CYP46A1: variants seen among roughly 807,000 people sequenced by gnomAD.
The protein encoded by CYP46A1 is cholesterol 24-hydroxylase.
CYP46A1 carries 20 observed loss-of-function variants against 63.3 expected under a neutral mutation model. The ratio of observed to expected loss-of-function variants is 0.32; its 90% CI spans 0.22 to 0.46. CYP46A1 has a LOEUF of 0.46. Ranked by LOEUF, CYP46A1 falls within the 20% of genes least tolerant of loss-of-function variation. CYP46A1 has a pLI of 1.00. For synonymous variants in CYP46A1, 268 were observed against 273.6 expected (o/e 0.98, Z 0.20); for missense variants, 445 against 670.8 (o/e 0.66, Z 3.72).
At chr14:99,708,722 A>G (rs1433687991) in intron 7 of CYP46A1, 1 of 153,394 alleles carries the variant, frequency 6.5e-6, no homozygotes, top group African/African-American at 2.4e-5. Context: ...TAATGTAGGT[A>G]GTGCCTGTGT....
At chr14:99,694,797 A>G (rs1168524071) in intron 3 of CYP46A1, among the ~76,000 whole-genome samples, 2 of 152,030 alleles carry the variant, frequency 1.3e-5, no homozygotes, top group Admixed American at 1.3e-4. Flanking sequence ...CACCACCCCC[A>G]GCCAATTTCT....
chr14:99,725,070 G>A lies in CYP46A1; in HGVS notation c.1177-321G>A, dbSNP rs1337549677. On this transcript the variant is annotated intron_variant, in intron 12 of 14. Coordinates refer to ENST00000261835, the MANE Select transcript of CYP46A1 (RefSeq NM_006668.2). This position sits in a 1 kb window ranked among gnomAD's most constrained non-coding sequence, Gnocchi z 4.2. The stretch of plus-strand genomic sequence containing the variant: ...CCATTTATTTGCCTGGTGACTTCAG[G>A]TGAGTCACTGAGCCTCTCTCTGGGT... Among the ~76,000 whole-genome samples, 1 of 152,202 alleles carries A rather than the reference G, an allele frequency of 6.6e-6. No homozygotes were observed. Among genetic ancestry groups the A allele is most frequent in the Non-Finnish European group, 1.5e-5 (1 of 68,046 alleles).
At chr14:99,694,882 A>G (rs1483424589) in intron 3 of CYP46A1, among the ~76,000 whole-genome samples, 1 of 152,200 alleles carries the variant, frequency 6.6e-6, no homozygotes, top group Non-Finnish European at 1.5e-5. Flanking sequence ...ATGGAGTTTA[A>G]ACAATTGATT....
At chr14:99,719,362 C>G (rs374697992) in intron 10 of CYP46A1, among the ~76,000 whole-genome samples, 35 of 151,050 alleles carry the variant, frequency 2.3e-4, no homozygotes, top group African/African-American at 6.4e-4. Flanking sequence ...CAGGTGTGCA[C>G]CACCACACCT....
intron 3 of CYP46A1, among the ~76,000 whole-genome samples, chr14:99,692,628 G>A (rs1050948581): frequency 1.1e-4 from 16 of 149,586 alleles, no homozygotes; most frequent in African/African-American, 3.7e-4. Flanking sequence ...TCAGGAGTTC[G>A]CGACCAGCCT....
chr14:99,693,665 T>C (rs1310367530), intron 3 of CYP46A1: 1 of 152,234 alleles, frequency 6.6e-6, no homozygotes, highest in East Asian at 1.9e-4. Flanking sequence ...CTATCTTCTG[T>C]AAAAGTTTGT....
In CYP46A1 at chr14:99,715,451, G is replaced by C. The variant is rs563757049; in HGVS notation, c.694-359G>C. Among the ~76,000 whole-genome samples, 40 of 152,172 alleles carry C rather than the reference G, an allele frequency of 2.6e-4. No homozygotes were observed. The East Asian group carries it at 7.4e-3, about 28-fold the overall frequency. On this transcript the variant is annotated intron_variant, in intron 7 of 14. Transcript: ENST00000261835. ...AGCTTGCAGCCGCCAATGCCGCCCC[G>C]TCTTTTTGGCAGTTGATCGCACTCT...
chr14:99,696,055 G>A (rs1202605649), intron 3 of CYP46A1, among the ~76,000 whole-genome samples: 3 of 152,068 alleles, frequency 2.0e-5, no homozygotes, highest in African/African-American at 4.8e-5. Flanking sequence ...GTTGATTCTT[G>A]CTGTTTTATA....
intron 9 of CYP46A1, 78 bp downstream of exon 9, chr14:99,716,277 CTT>C: frequency 1.3e-6 from 2 of 1,527,880 alleles, no homozygotes; most frequent in Non-Finnish European, 1.8e-6. Context: ...AAACCCAACT[CTT>C]TGGGATTTTT....
Position 99,715,078 on chromosome 14 carries a change from TC to T in CYP46A1, c.694-731del, listed in dbSNP as rs1677285020. ...TATGTAGAAGGAGTAAGTTTTAGTG[TC>T]AGTAGCACAGTGTGTGACTATAGCT... On this transcript the variant is annotated intron_variant, in intron 7 of 14. Coordinates refer to ENST00000261835, the MANE Select transcript of CYP46A1 (RefSeq NM_006668.2). Among the ~76,000 whole-genome samples, 3 of 152,330 alleles carry T rather than the reference TC, an allele frequency of 2.0e-5. No homozygotes were observed. In the South Asian group the frequency reaches 6.2e-4, roughly 32 times the overall value.
rs1365486025 is a variant in CYP46A1, at chr14:99,722,913, C to T, written c.1176+847C>T. ...ACAGTGTGCAAGCCAGCTCCTCGGA[C>T]ATTTACCCAGAAGTGAGAGGGCTGG... On this transcript the variant is annotated intron_variant, in intron 12 of 14. Transcript: ENST00000261835. The surrounding 1 kb of genome is among the most constrained non-coding windows in gnomAD (Gnocchi z 4.6). The T allele has an allele frequency of 2.2e-6, 1 of 454,252 alleles. No homozygotes were observed. Among genetic ancestry groups the T allele is most frequent in the Non-Finnish European group, 4.4e-6 (1 of 225,344 alleles). The allele number at this position is 454,252 out of a possible 1,614,324, so 28.1% of individuals were successfully genotyped here. A position where few individuals can be genotyped will look rare whatever the true frequency, so the allele number is the denominator to read the frequency against.
chr14:99,695,600 C>T (rs1483329746), intron 3 of CYP46A1: 2 of 108,120 alleles, frequency 1.8e-5, no homozygotes, highest in Non-Finnish European at 3.9e-5. Flanking sequence ...TAAGCCATTC[C>T]AGCTTTATTA....
Position 99,706,801 on chromosome 14 carries a change from C to A in CYP46A1, c.582+16C>A. 7 of 1,610,658 alleles carry A rather than the reference C, an allele frequency of 4.3e-6. No individual in the cohort carries two copies. Among genetic ancestry groups the A allele is most frequent in the East Asian group, 2.2e-5 (1 of 44,860 alleles). ...CCTGGCCAAGGTGATGGGTGACAGTCGGGCATGGGGGCCAGGAGGGCCACA... is the reference window on the plus strand; with the variant it reads ...CCTGGCCAAGGTGATGGGTGACAGTAGGGCATGGGGGCCAGGAGGGCCACA... On this transcript the variant is annotated intron_variant, in intron 6 of 14. Coordinates refer to ENST00000261835, the MANE Select transcript of CYP46A1 (RefSeq NM_006668.2).
chr14:99,684,385 C>G lies in CYP46A1; in HGVS notation c.-33C>G. The G allele has an allele frequency of 3.9e-6, 5 of 1,298,630 alleles. No individual in the cohort carries two copies. Among genetic ancestry groups the G allele is most frequent in the South Asian group, 2.0e-5 (1 of 49,088 alleles). 80.4% of individuals were successfully genotyped at this position (1,298,630 alleles called of 1,614,324 possible). ...CTCCCGGCCCCCTCGGCGCCCGGCCCGACCCTGGCCTGGCCTGCCCTGCCC... is the reference window on the plus strand; with the variant it reads ...CTCCCGGCCCCCTCGGCGCCCGGCCGGACCCTGGCCTGGCCTGCCCTGCCC... On this transcript the variant is annotated 5_prime_UTR_variant, in exon 1 of 15. Coordinates refer to ENST00000261835, the MANE Select transcript of CYP46A1 (RefSeq NM_006668.2).
chr14:99,691,034 C>G, intron 1 of CYP46A1, 47 bp from the exon 2 acceptor site: 1 of 1,582,152 alleles, frequency 6.3e-7, no homozygotes, highest in Non-Finnish European at 8.7e-7. Context: ...AGGGAGCGTT[C>G]TTTCCTGTTG....
chr14:99,726,579 C>T lies in CYP46A1; in HGVS notation c.1355C>T (p.Ala452Val), dbSNP rs1295854510. Residue 452 changes from alanine to valine, a missense_variant, in exon 15 of 15, where the codon GCA becomes GTA. Ala to Val is a moderately conservative substitution (Grantham distance 64). Coordinates refer to ENST00000261835, the MANE Select transcript of CYP46A1 (RefSeq NM_006668.2). ...CAGATGGAGGTGAAGGTGGTCATGG[C>T]AAAGCTGCTGCAGAGGCTGGAGTTC... is the stretch of plus-strand genomic sequence containing the variant. The part of the protein sequence containing the change: ...FAQMEVKVVM[A>V]KLLQRLEFRL... 3 of 1,592,414 alleles carry T rather than the reference C, an allele frequency of 1.9e-6. No homozygotes were observed. Among genetic ancestry groups the T allele is most frequent in the South Asian group, 1.2e-5 (1 of 86,946 alleles).
In CYP46A1 at chr14:99,722,483, G is replaced by A. The variant is rs774310188; in HGVS notation, c.1176+417G>A. The stretch of plus-strand genomic sequence containing the variant: ...TTTCTCCCCAGACCTCCTTTATTTT[G>A]TGTCTCTTTGTTTGCTTACTTGTTC... On this transcript the variant is annotated intron_variant, in intron 12 of 14. Transcript: ENST00000261835. The surrounding 1 kb of genome is among the most constrained non-coding windows in gnomAD (Gnocchi z 4.6). 8.5e-5 allele frequency among the ~76,000 whole-genome samples: 13 copies of A among 152,110 alleles called. No individual in the cohort carries two copies. In the South Asian group the frequency reaches 1.2e-3, roughly 15 times the overall value.
chr14:99,684,595 G>A (rs2056473532), intron 1 of CYP46A1, 59 bp downstream of exon 1: 1 of 1,376,806 alleles, frequency 7.3e-7, no homozygotes, highest in Non-Finnish European at 9.6e-7. Flanking sequence ...CCTGGGGACA[G>A]CGTCTAAGCC....
intron 5 of CYP46A1, among the ~76,000 whole-genome samples, chr14:99,701,769 C>A (rs1024185067): frequency 2.6e-5 from 4 of 152,174 alleles, no homozygotes; most frequent in Non-Finnish European, 4.4e-5. Context: ...ATTTTCATCA[C>A]CCTCAAAAGC....
Sources: gnomAD v4.1 joint callset for allele counts (sites outside exome capture counted in the v4.1 genomes callset) on GRCh38, gnomAD v4.1.1 for gene constraint, Gnocchi (gnomAD v3.1) non-coding constraint, MANE v1.5 for transcripts, NCBI Gene and HGNC (gene_info 2026-07-23, HGNC 2026-07-21) for gene names.